Variants in DLC1 observed in about 807,000 individuals in gnomAD.
DLC1 encodes rho GTPase-activating protein 7.
A neutral mutation model predicts 140.3 loss-of-function variants in DLC1; 54 were observed. The ratio of observed to expected loss-of-function variants is 0.38; its 90% CI spans 0.31 to 0.48. The LOEUF (loss-of-function observed/expected upper bound fraction) is 0.48. Among genes scored for constraint, DLC1 ranks in the 20% least tolerant of loss-of-function variants. The pLI is 0.96. For synonymous variants in DLC1, 986 were observed against 728.1 expected (o/e 1.35, Z -5.70); for missense variants, 2,536 against 1,907.0 (o/e 1.33, Z -6.14).
At chr8:13,309,584 G>A (rs1255607070) in intron 4 of DLC1, among the ~76,000 whole-genome samples, 2 of 152,162 alleles carry the variant, frequency 1.3e-5, no homozygotes, top group Non-Finnish European at 2.9e-5. Context: ...AGCTTAGACT[G>A]TGTGCATGCC....
intron 5 of DLC1, among the ~76,000 whole-genome samples, chr8:13,206,360 T>C (rs1049177214): frequency 6.6e-6 from 1 of 152,204 alleles, no homozygotes; most frequent in African/African-American, 2.4e-5. Context: ...AATTATGTCA[T>C]GTAAAAGGTT....
chr8:13,186,284 C>T lies in DLC1; in HGVS notation c.1349-70627G>A, dbSNP rs544006357. 5.8e-4 allele frequency among the ~76,000 whole-genome samples: 89 copies of T among 152,296 alleles called. 1 individual carries two copies. The South Asian group carries it at 0.018, about 31-fold the overall frequency. ...ATTCTGCCCATCACTTTCGGGTACA[C>T]CAATCAAACGCAGATTTGGTCTTTT... On this transcript the variant is annotated intron_variant, in intron 5 of 17. Coordinates refer to ENST00000276297, the MANE Select transcript of DLC1 (RefSeq NM_182643.3).
In DLC1 at chr8:13,499,029, A is replaced by T; in HGVS notation, c.1023+20T>A. 1 of 1,558,734 alleles carries T rather than the reference A, an allele frequency of 6.4e-7. No homozygotes were observed. Among genetic ancestry groups the T allele is most frequent in the Non-Finnish European group, 8.6e-7 (1 of 1,156,966 alleles). On this transcript the variant is annotated intron_variant, in intron 2 of 17. Transcript: ENST00000276297. ...ATTTACAAAATTTCAAAAGCCAGAGAATCTGTGCATATGTCTTACCTTTCT... is the reference window on the plus strand; with the variant it reads ...ATTTACAAAATTTCAAAAGCCAGAGTATCTGTGCATATGTCTTACCTTTCT...
intron 2 of DLC1, among the ~76,000 whole-genome samples, chr8:13,408,901 C>G (rs767173410): frequency 6.6e-6 from 1 of 152,118 alleles, no homozygotes; most frequent in Non-Finnish European, 1.5e-5. Flanking sequence ...CTATTTAACA[C>G]TGAAATTCCA....
intron 5 of DLC1, among the ~76,000 whole-genome samples, chr8:13,291,902 G>A (rs947984324): frequency 3.3e-5 from 5 of 152,150 alleles, no homozygotes; most frequent in Middle Eastern, 3.4e-3. Flanking sequence ...TTTTCCAGAT[G>A]TGGAATTCTT....
intron 4 of DLC1, among the ~76,000 whole-genome samples, chr8:13,374,015 A>G (rs1586229507): frequency 1.3e-5 from 2 of 152,340 alleles, no homozygotes; most frequent in Non-Finnish European, 2.9e-5. Flanking sequence ...CCTTTAATAA[A>G]GCAGAAAAAG....
At chr8:13,284,128 G>A (rs1439835984) in intron 5 of DLC1, among the ~76,000 whole-genome samples, 1 of 152,184 alleles carries the variant, frequency 6.6e-6, no homozygotes, top group Non-Finnish European at 1.5e-5. Context: ...AGGAAATACG[G>A]AGCATTAGAT....
At chr8:13,454,465 C>T (rs919021683) in intron 2 of DLC1, among the ~76,000 whole-genome samples, 8 of 152,110 alleles carry the variant, frequency 5.3e-5, no homozygotes, top group Non-Finnish European at 8.8e-5. Flanking sequence ...ATTTAAATTT[C>T]AACAATACTG....
At chr8:13,299,145 G>GA (rs535848788) in intron 5 of DLC1, among the ~76,000 whole-genome samples, 5,431 of 144,430 alleles carry the variant, frequency 0.038, 307 homozygotes, top group African/African-American at 0.13. Flanking sequence ...CATTTACTTT[G>GA]AAAAAAAAAA....
intron 2 of DLC1, among the ~76,000 whole-genome samples, chr8:13,469,352 T>G (rs1245785482): frequency 6.6e-6 from 1 of 152,180 alleles, no homozygotes; most frequent in Non-Finnish European, 1.5e-5. Context: ...GTTCCAAAAG[T>G]CTGTACCATG....
chr8:13,424,485 T>C (rs913893752), intron 2 of DLC1, among the ~76,000 whole-genome samples: 4 of 152,040 alleles, frequency 2.6e-5, no homozygotes, highest in African/African-American at 7.2e-5. Context: ...AGAGACTCTG[T>C]CTCAAAAAAT....
intron 4 of DLC1, among the ~76,000 whole-genome samples, chr8:13,380,184 T>G (rs1217614602): frequency 6.6e-6 from 1 of 152,144 alleles, no homozygotes; most frequent in East Asian, 1.9e-4. Flanking sequence ...TAATAGAAAA[T>G]TATGTCATAA....
At chr8:13,407,011 G>C (rs1456702343) in intron 2 of DLC1, among the ~76,000 whole-genome samples, 1 of 152,194 alleles carries the variant, frequency 6.6e-6, no homozygotes, top group Non-Finnish European at 1.5e-5. Flanking sequence ...TGCTGTCAAA[G>C]TTTAGATAAT....
chr8:13,355,187 C>G (rs1490875010), intron 4 of DLC1, among the ~76,000 whole-genome samples: 2 of 41,788 alleles, frequency 4.8e-5, no homozygotes, highest in African/African-American at 1.3e-4. Flanking sequence ...TAAACTAAAA[C>G]TTATTATCTG....
intron 1 of DLC1, among the ~76,000 whole-genome samples, chr8:13,525,856 A>G (rs564738402): frequency 6.6e-6 from 1 of 152,166 alleles, no homozygotes; most frequent in African/African-American, 2.4e-5. Context: ...TTTTTCTTTT[A>G]TGGATCATGT....
chr8:13,423,646 ATTTCTGCTCTG>A (rs1244390723), intron 2 of DLC1, among the ~76,000 whole-genome samples: 1 of 152,178 alleles, frequency 6.6e-6, no homozygotes, highest in Admixed American at 6.5e-5. Context: ...CAGAAATCGG[ATTTCTGCTCTG>A]ATGTGTGCCA....
intron 5 of DLC1, among the ~76,000 whole-genome samples, chr8:13,284,560 A>G (rs1183544371): frequency 6.7e-6 from 1 of 149,464 alleles, no homozygotes; most frequent in African/African-American, 2.5e-5. Flanking sequence ...AAATAAAGAT[A>G]ACAATAGAAA....
chr8:13,313,929 C>T (rs1019396547), intron 4 of DLC1, among the ~76,000 whole-genome samples: 2 of 152,040 alleles, frequency 1.3e-5, no homozygotes, highest in African/African-American at 4.8e-5. Flanking sequence ...TTTAGGTAAG[C>T]CAGTGATGAT....
At chr8:13,381,588 C>T (rs911716581) in intron 4 of DLC1, among the ~76,000 whole-genome samples, 7 of 152,172 alleles carry the variant, frequency 4.6e-5, no homozygotes, top group Admixed American at 3.3e-4. Flanking sequence ...AACAAAGCTT[C>T]TATGACGTAA....
Sources: allele counts gnomAD v4.1 joint callset (sites outside exome capture counted in the v4.1 genomes callset), GRCh38; gene constraint gnomAD v4.1.1; transcripts MANE v1.5; gene names NCBI Gene and HGNC (gene_info 2026-07-23, HGNC 2026-07-21).